Variants in FNDC3A observed in about 807,000 individuals in gnomAD.
The protein encoded by FNDC3A is fibronectin type III domain containing 3A.
A neutral mutation model predicts 148.9 loss-of-function variants in FNDC3A; 32 were observed. The ratio of observed to expected loss-of-function variants is 0.21; its 90% CI spans 0.16 to 0.29. FNDC3A has a LOEUF of 0.29. FNDC3A is among the 10% of genes least tolerant of loss of function. The pLI, the probability that FNDC3A is intolerant of heterozygous loss-of-function variation, is 1.00. For synonymous variants in FNDC3A, 472 were observed against 473.6 expected (o/e 1.00, Z 0.04); for missense variants, 1,191 against 1,452.8 (o/e 0.82, Z 2.93).
At chr13:49,033,164 A>G (rs1874250689) in intron 2 of FNDC3A, among the ~76,000 whole-genome samples, 1 of 152,174 alleles carries the variant, frequency 6.6e-6, no homozygotes, top group African/African-American at 2.4e-5. Context: ...AGCAAAAACA[A>G]AATAACTAAA....
chr13:49,016,330 G>A (rs1263353891), intron 2 of FNDC3A, among the ~76,000 whole-genome samples: 2 of 152,018 alleles, frequency 1.3e-5, no homozygotes, highest in African/African-American at 4.8e-5. Context: ...GTTTAGTCTT[G>A]GGAGAGTGTA....
rs200608583 is a variant in FNDC3A, at chr13:49,012,805, A to G, written c.99+6516A>G. ...CTTGGGTTTTTATATGCAATTATAA[A>G]TGTGTGTGTGTGTGTGTGTGTGTGT... On this transcript the variant is annotated intron_variant, in intron 2 of 25. Transcript: ENST00000492622. Among the ~76,000 whole-genome samples, 63 of 134,618 alleles carry G rather than the reference A, an allele frequency of 4.7e-4. 2 individuals are homozygous for G. In the South Asian group the frequency reaches 1.0e-2, roughly 21 times the overall value. The allele number at this position is 134,618 out of a possible 152,430, so 88.3% of individuals were successfully genotyped here.
At chr13:49,052,757 G>A (rs987640628) in intron 2 of FNDC3A, among the ~76,000 whole-genome samples, 2 of 152,166 alleles carry the variant, frequency 1.3e-5, no homozygotes, top group African/African-American at 4.8e-5. Flanking sequence ...GGTGTCTCAG[G>A]TGGTGGACAG....
intron 1 of FNDC3A, among the ~76,000 whole-genome samples, chr13:48,998,527 A>C (rs1431881616): frequency 6.6e-6 from 1 of 152,226 alleles, no homozygotes; most frequent in African/African-American, 2.4e-5. Context: ...TTCATCCCTA[A>C]GATATTTCAT....
At chr13:49,097,639 C>T (rs1224846939) in intron 3 of FNDC3A, among the ~76,000 whole-genome samples, 1 of 152,058 alleles carries the variant, frequency 6.6e-6, no homozygotes, top group Non-Finnish European at 1.5e-5. Context: ...GGAGAACCTA[C>T]AGCAGGATGT....
rs540104474 is a variant in FNDC3A, at chr13:49,044,934, A to G, written c.100-30355A>G. ...TGTATCACATCTTTCATAGCTGTAG[A>G]TGTACTACCCTGAGTAAAGAGCATG... On this transcript the variant is annotated intron_variant, in intron 2 of 25. Transcript: ENST00000492622. The G allele has an allele frequency of 2.3e-4, 67 of 294,172 alleles. 1 individual carries two copies. The highest frequency in any genetic ancestry group is 1.9e-3 in the South Asian group (56 of 29,202). 18.2% of individuals were successfully genotyped at this position (294,172 alleles called of 1,614,324 possible). A position where few individuals can be genotyped will look rare whatever the true frequency, so the allele number is the denominator to read the frequency against.
intron 3 of FNDC3A, among the ~76,000 whole-genome samples, chr13:49,102,844 T>G (rs922187053): frequency 6.6e-6 from 1 of 152,232 alleles, no homozygotes; most frequent in South Asian, 2.1e-4. Context: ...AAAATGTACC[T>G]GCTTATTTTT....
intron 9 of FNDC3A, 134 bp downstream of exon 9, chr13:49,167,437 C>T (rs892067007): frequency 1.9e-5 from 11 of 570,778 alleles, no homozygotes; most frequent in African/African-American, 1.4e-4. Flanking sequence ...GTGGGCTGGG[C>T]GCAGTGCGCC....
intron 2 of FNDC3A, among the ~76,000 whole-genome samples, chr13:49,037,498 T>C (rs1342830861): frequency 6.6e-6 from 1 of 152,202 alleles, no homozygotes; most frequent in Non-Finnish European, 1.5e-5. Context: ...ATAGAAGGAT[T>C]AGGCATTCCA....
rs1473999533 is a variant in FNDC3A at position 49,208,835 on chromosome 13, G to A, written c.*1440G>A. 1 of 152,518 alleles carries A rather than the reference G, an allele frequency of 6.6e-6. No homozygotes were observed. Among genetic ancestry groups the A allele is most frequent in the East Asian group, 1.9e-4 (1 of 5,194 alleles). 9.4% of individuals were successfully genotyped at this position (152,518 alleles called of 1,614,324 possible). On this transcript the variant is annotated 3_prime_UTR_variant, in exon 26 of 26. Transcript: ENST00000492622. ...TTTAGTTGCTGAGGTTGGCATTTTAGTGATTATTAAGCACTTCTGTCAGTC... is the reference window on the plus strand; with the variant it reads ...TTTAGTTGCTGAGGTTGGCATTTTAATGATTATTAAGCACTTCTGTCAGTC...
chr13:49,187,338 C>G (rs1333927004), intron 16 of FNDC3A, 148 bp downstream of exon 16: 7 of 866,208 alleles, frequency 8.1e-6, no homozygotes, highest in Non-Finnish European at 1.2e-5. Flanking sequence ...TTTGGGTTGT[C>G]CTGGATTTTT....
intron 8 of FNDC3A, among the ~76,000 whole-genome samples, chr13:49,158,549 T>G (rs1239294901): frequency 6.6e-6 from 1 of 152,184 alleles, no homozygotes; most frequent in Non-Finnish European, 1.5e-5. Flanking sequence ...TTGCAAAAAT[T>G]TTCTCCCATT....
Position 49,006,260 on chromosome 13 carries a change from C to A in FNDC3A, c.70C>A (p.Pro24Thr). ...LSSDISLLSAPIVSADGTQQV... is the reference protein window; with the variant it reads ...LSSDISLLSATIVSADGTQQV... ...TAGTGATATTTCTCTTTTGTCTGCCCCTATTGTAAGTGCAGATGGAACACA... is the reference window on the plus strand; with the variant it reads ...TAGTGATATTTCTCTTTTGTCTGCCACTATTGTAAGTGCAGATGGAACACA... The change falls in exon 2 of 26, where the codon CCT (proline) becomes ACT (threonine). Residue 24 changes from proline to threonine, a missense_variant. Pro to Thr is a conservative substitution (Grantham distance 38). Around this residue, in one of 3 missense-constraint regions of FNDC3A, gnomAD observed 426 missense variants for 473.2 expected, o/e 0.90. Transcript: ENST00000492622. 6.2e-7 allele frequency: 1 copy of A among 1,607,502 alleles called. No individual in the cohort carries two copies.
At chr13:49,048,591 G>A (rs1332711268) in intron 2 of FNDC3A, among the ~76,000 whole-genome samples, 1 of 152,084 alleles carries the variant, frequency 6.6e-6, no homozygotes, top group Non-Finnish European at 1.5e-5. Flanking sequence ...TGTGAAAGAA[G>A]TTGAGTTCTT....
At chr13:48,990,676 C>T (rs1176681609) in intron 1 of FNDC3A, among the ~76,000 whole-genome samples, 1 of 150,992 alleles carries the variant, frequency 6.6e-6, no homozygotes, top group Non-Finnish European at 1.5e-5. Flanking sequence ...TTGGGAGGAT[C>T]GCTTGAACCC....
chr13:49,032,312 A>T (rs1874177884), intron 2 of FNDC3A, among the ~76,000 whole-genome samples: 1 of 152,206 alleles, frequency 6.6e-6, no homozygotes, highest in Non-Finnish European at 1.5e-5. Flanking sequence ...AAACAAAAAC[A>T]TATGTCCATG....
At chr13:49,046,455 T>G (rs1313445844) in intron 2 of FNDC3A, 2 of 173,794 alleles carry the variant, frequency 1.2e-5, no homozygotes, top group East Asian at 3.6e-4. Flanking sequence ...TAAAAGGACT[T>G]GTTATGAATA....
At chr13:49,127,437 T>C (rs1412195792) in intron 4 of FNDC3A, among the ~76,000 whole-genome samples, 1 of 152,228 alleles carries the variant, frequency 6.6e-6, no homozygotes, top group Non-Finnish European at 1.5e-5. Flanking sequence ...GCTTTGACCC[T>C]ATGACTATAC....
chr13:49,085,667 TCA>T (rs1399373247), intron 3 of FNDC3A, among the ~76,000 whole-genome samples: 4 of 152,190 alleles, frequency 2.6e-5, no homozygotes, highest in Non-Finnish European at 5.9e-5. Flanking sequence ...CTTCCTATAA[TCA>T]CAATAAAACT....
Sources: allele counts gnomAD v4.1 joint callset (sites outside exome capture counted in the v4.1 genomes callset), GRCh38; gene constraint gnomAD v4.1.1; regional missense constraint gnomAD v4.1.1; transcripts MANE v1.5; gene names NCBI Gene and HGNC (gene_info 2026-07-23, HGNC 2026-07-21).